The following ASPH variants were observed in gnomAD, a reference collection of about 807,000 sequenced individuals.
ASPH encodes the protein aspartyl/asparaginyl beta-hydroxylase.
A neutral mutation model predicts 118.4 loss-of-function variants in ASPH; 100 were observed. The observed-to-expected ratio is 0.84, with a 90% CI of 0.72 to 1.00. The LOEUF (loss-of-function observed/expected upper bound fraction) is 1.00. ASPH is among the 50% of genes least tolerant of loss of function. ASPH has a pLI of 0.00. For missense variants in ASPH, 920 were observed against 919.5 expected (o/e 1.00, Z -0.01); for synonymous variants, 315 against 325.6 (o/e 0.97, Z 0.35).
chr8:61,507,716 C>T (rs886267634), intron 24 of ASPH, among the ~76,000 whole-genome samples: 7 of 152,198 alleles, frequency 4.6e-5, no homozygotes, highest in African/African-American at 1.7e-4. Context: ...TCGCTTCTGA[C>T]TGAAAACCAA....
At chr8:61,600,315 GAAATAAGAAAAAGGTGT>G (rs1843618474) in intron 14 of ASPH, among the ~76,000 whole-genome samples, 5 of 147,536 alleles carry the variant, frequency 3.4e-5, no homozygotes, top group African/African-American at 1.3e-4. Flanking sequence ...TCTAAGAACT[GAAATAAGAAAAAGGTGT>G]TTACTTTCAC....
intron 21 of ASPH, among the ~76,000 whole-genome samples, chr8:61,545,939 G>A (rs759043768): frequency 2.4e-4 from 37 of 152,310 alleles, no homozygotes; most frequent in Middle Eastern, 3.4e-3. Flanking sequence ...AGATGATAGA[G>A]AGGTACACCC....
chr8:61,697,626 G>T (rs1447258934), intron 1 of ASPH, among the ~76,000 whole-genome samples: 2 of 152,036 alleles, frequency 1.3e-5, no homozygotes, highest in Non-Finnish European at 2.9e-5. Flanking sequence ...GCGCTAAAGG[G>T]GTTCACAGAA....
At chr8:61,654,345 T>C (rs1038293658) in intron 3 of ASPH, among the ~76,000 whole-genome samples, 5 of 152,206 alleles carry the variant, frequency 3.3e-5, no homozygotes, top group African/African-American at 4.8e-5. Context: ...ATATTTTGTA[T>C]GTGGAACATT....
chr8:61,666,881 CAT>C (rs1819897706), intron 3 of ASPH, among the ~76,000 whole-genome samples: 2 of 152,172 alleles, frequency 1.3e-5, no homozygotes, highest in African/African-American at 2.4e-5. Flanking sequence ...GCAATGCTAT[CAT>C]GTCTTATTCT....
chr8:61,604,809 G>C (rs1365787048), intron 14 of ASPH, among the ~76,000 whole-genome samples: 3 of 152,326 alleles, frequency 2.0e-5, no homozygotes, highest in Admixed American at 2.0e-4. Context: ...ATTAAAGAAT[G>C]AGAGACCAAT....
chr8:61,574,266 C>T (rs112883838), intron 16 of ASPH, among the ~76,000 whole-genome samples: 1 of 152,056 alleles, frequency 6.6e-6, no homozygotes, highest in Non-Finnish European at 1.5e-5. Flanking sequence ...TAAATTAGTT[C>T]GACCATTGTG....
Position 61,684,053 on chromosome 8 carries a change from T to C in ASPH, c.239A>G (p.Tyr80Cys), listed in dbSNP as rs768498732. 22 of 1,613,590 alleles carry C rather than the reference T, an allele frequency of 1.4e-5. No individual in the cohort carries two copies. The highest frequency in any genetic ancestry group is 7.7e-5 in the South Asian group (7 of 91,044). ...VAVVWFDLVD[Y>C]EEVLGKLGIY... The stretch of plus-strand genomic sequence containing the variant: ...AAAATTCTTACCTAGAACTTCCTCA[T>C]AGTCAACAAGATCAAACCAAACGAC... Residue 80 changes from tyrosine (Y) to cysteine (C), a missense_variant, in exon 2 of 25, where the codon TAT (tyrosine) becomes TGT (cysteine). By Grantham distance (194) the Tyr-to-Cys change is radical. Transcript: ENST00000379454.
At position 61,714,281 on chromosome 8, in the gene ASPH, C is replaced by G; in HGVS notation, c.91G>C (p.Gly31Arg). The change falls in exon 1 of 25, where the codon GGG (glycine) becomes CGG (arginine). Residue 31 changes from glycine to arginine, a missense_variant. Transcript: ENST00000379454. ...CAGGGCCTCTGACCTCTCCGGGCCC[C>G]GGGGCTGCTGCTGCCCGCACTCGTG... ...GSTSAGSSSP[G>R]ARRETKHGGH... 6.6e-7 allele frequency: 1 copy of G among 1,518,140 alleles called. No homozygotes were observed. The allele number at this position is 1,518,140 out of a possible 1,614,324, so 94.0% of individuals were successfully genotyped here. A position where few individuals can be genotyped will look rare whatever the true frequency, so the allele number is the denominator to read the frequency against.
chr8:61,503,734 C>A (rs1277676039), intron 24 of ASPH, among the ~76,000 whole-genome samples: 1 of 152,208 alleles, frequency 6.6e-6, no homozygotes. Context: ...TGGAGATGTA[C>A]AAACAACAGA....
intron 24 of ASPH, 100 bp from the exon 25 acceptor site, chr8:61,503,609 C>A (rs1309452178): frequency 2.5e-6 from 3 of 1,189,060 alleles, no homozygotes; most frequent in Non-Finnish European, 3.4e-6. Context: ...TTGGTAACAA[C>A]CTTTGGGACA....
At chr8:61,632,598 T>TCTCCATGGA in intron 13 of ASPH, 1 of 463,516 alleles carries the variant, frequency 2.2e-6, no homozygotes, top group African/African-American at 2.0e-5. Flanking sequence ...AAGGTCAATT[T>TCTCCATGGA]CTCCATGGAC....
At chr8:61,630,339 T>G (rs964705971) in intron 13 of ASPH, among the ~76,000 whole-genome samples, 11 of 152,138 alleles carry the variant, frequency 7.2e-5, no homozygotes, top group Non-Finnish European at 1.2e-4. Context: ...AGGTAGGCCC[T>G]ATAATTAGTG....
At chr8:61,578,049 A>G (rs1230776049) in intron 15 of ASPH, among the ~76,000 whole-genome samples, 1 of 152,226 alleles carries the variant, frequency 6.6e-6, no homozygotes, top group African/African-American at 2.4e-5. Context: ...ATCCACTTAG[A>G]AGCCTGTAAA....
intron 21 of ASPH, among the ~76,000 whole-genome samples, chr8:61,537,143 G>T (rs970826345): frequency 6.6e-6 from 1 of 152,110 alleles, no homozygotes; most frequent in Non-Finnish European, 1.5e-5. Flanking sequence ...GCTCAGACAG[G>T]CAGGGAAGCC....
Position 61,552,920 on chromosome 8 carries a change from TTTCGAAAG to T in ASPH, c.1626+103_1626+110del, listed in dbSNP as rs1204741980. 7 of 892,082 alleles carry T rather than the reference TTTCGAAAG, an allele frequency of 7.8e-6. No homozygotes were observed. In the African/African-American group the frequency reaches 1.2e-4, roughly 15 times the overall value. The allele number at this position is 892,082 out of a possible 1,614,324, so 55.3% of individuals were successfully genotyped here. A position where few individuals can be genotyped will look rare whatever the true frequency, so the allele number is the denominator to read the frequency against. On this transcript the variant is annotated intron_variant, in intron 20 of 24. Transcript: ENST00000379454. ...GTAACTAAATAGTTTATATCACTGC[TTTCGAAAG>T]TTCACACTCAAAATATTTTTTGAAT...
intron 5 of ASPH, among the ~76,000 whole-genome samples, chr8:61,647,541 C>T (rs1303643092): frequency 6.6e-6 from 1 of 152,008 alleles, no homozygotes; most frequent in African/African-American, 2.4e-5. Flanking sequence ...CATGGTGGCA[C>T]GTGCCTGTAG....
rs1405743776 is a variant in ASPH, at chr8:61,500,621, A to C, written c.*2738T>G. The C allele has an allele frequency of 1.4e-5, 2 of 143,790 alleles. No homozygotes were observed. The highest frequency in any genetic ancestry group is 3.0e-5 in the Non-Finnish European group (2 of 67,282). The allele number at this position is 143,790 out of a possible 1,614,324, so 8.9% of individuals were successfully genotyped here. A position where few individuals can be genotyped will look rare whatever the true frequency, so the allele number is the denominator to read the frequency against. On this transcript the variant is annotated 3_prime_UTR_variant, in exon 25 of 25. Coordinates refer to ENST00000379454, the MANE Select transcript of ASPH (RefSeq NM_004318.4). ...AAATGGAGTCCCCAACTACTCATTC[A>C]AAAGAAATCAGACATAAAATAAACA...
intron 21 of ASPH, among the ~76,000 whole-genome samples, chr8:61,527,510 A>G (rs1815841693): frequency 6.6e-6 from 1 of 152,262 alleles, no homozygotes; most frequent in Non-Finnish European, 1.5e-5. Flanking sequence ...TTCTAGGGCA[A>G]GAAAGAGATT....
Sources: allele counts gnomAD v4.1 joint callset (sites outside exome capture counted in the v4.1 genomes callset), GRCh38; gene constraint gnomAD v4.1.1; transcripts MANE v1.5; gene names NCBI Gene and HGNC (gene_info 2026-07-23, HGNC 2026-07-21).